SSBP2: variants seen among roughly 807,000 people sequenced by gnomAD.
SSBP2 encodes the protein single-stranded DNA-binding protein 2.
SSBP2 carries 17 observed loss-of-function variants against 61.8 expected under a neutral mutation model. The ratio of observed to expected loss-of-function variants is 0.28; its 90% CI spans 0.19 to 0.41. The LOEUF (loss-of-function observed/expected upper bound fraction) is 0.41, where lower values mean the gene tolerates loss of function less well. Ranked by LOEUF, SSBP2 falls within the 10% of genes least tolerant of loss-of-function variation. The pLI, the probability that SSBP2 is intolerant of heterozygous loss-of-function variation, is 1.00. For missense variants in SSBP2, 310 were observed against 458.7 expected, an observed-to-expected ratio of 0.68 and a Z score of 2.96; for synonymous variants, 139 against 141.3, an observed-to-expected ratio of 0.98 and a Z score of 0.12.
At chr5:81,567,979 AGGAGGAAGGAACTTGAT>A (rs1160279768) in intron 4 of SSBP2, among the ~76,000 whole-genome samples, 2 of 152,172 alleles carry the variant, frequency 1.3e-5, no homozygotes, top group Admixed American at 6.5e-5. Context: ...ACAGGCTCAT[AGGAGGAAGGAACTTGAT>A]GGAGGAAGGA....
In SSBP2 at chr5:81,724,944, T is replaced by C. The variant is rs1474279062; in HGVS notation, c.62+26037A>G. The stretch of plus-strand genomic sequence containing the variant: ...AGGCAAAATGGACAAAGGATATAAA[T>C]AGCCAATTCATGTTTATTTATTCAA... On this transcript the variant is annotated intron_variant, in intron 1 of 16. Transcript: ENST00000320672. Among the ~76,000 whole-genome samples the C allele has an allele frequency of 3.9e-5, 6 of 152,168 alleles. No homozygotes were observed. In the East Asian group the frequency reaches 9.6e-4, roughly 24 times the overall value.
chr5:81,701,052 T>TC (rs35308034), intron 1 of SSBP2, among the ~76,000 whole-genome samples: 10,889 of 152,334 alleles, frequency 0.071, 485 homozygotes, highest in Middle Eastern at 0.12. Flanking sequence ...GGCCTAGCTT[T>TC]CAGTCTATCT....
chr5:81,508,091 A>C (rs769950752), intron 5 of SSBP2, among the ~76,000 whole-genome samples: 1 of 152,206 alleles, frequency 6.6e-6, no homozygotes, highest in African/African-American at 2.4e-5. Context: ...TTCTTAGCAT[A>C]CAATGAAATC....
intron 6 of SSBP2, among the ~76,000 whole-genome samples, chr5:81,479,778 A>ATTC (rs1191149060): frequency 6.6e-6 from 1 of 152,166 alleles, no homozygotes; most frequent in Non-Finnish European, 1.5e-5. Flanking sequence ...AGTTATTATT[A>ATTC]TTCATCCTTT....
At chr5:81,642,255 T>C (rs1012893057) in intron 2 of SSBP2, among the ~76,000 whole-genome samples, 2 of 152,156 alleles carry the variant, frequency 1.3e-5, no homozygotes, top group African/African-American at 4.8e-5. Context: ...CCAATAACAT[T>C]TTCTCTTTAT....
chr5:81,490,030 T>TAA (rs74271580), intron 5 of SSBP2, among the ~76,000 whole-genome samples: 11 of 136,000 alleles, frequency 8.1e-5, no homozygotes, highest in East Asian at 2.1e-4. Context: ...TTTCATTTCT[T>TAA]AAAAAAAAAA....
chr5:81,470,631 C>T (rs1765188593), intron 8 of SSBP2, among the ~76,000 whole-genome samples: 1 of 151,940 alleles, frequency 6.6e-6, no homozygotes, highest in Non-Finnish European at 1.5e-5. Flanking sequence ...CTGTACCACA[C>T]TGATCTTAAG....
chr5:81,425,619 A>T (rs73766237), intron 16 of SSBP2, among the ~76,000 whole-genome samples: 1,642 of 151,780 alleles, frequency 0.011, 34 homozygotes, highest in African/African-American at 0.038. Context: ...ATTTTTTTTG[A>T]ACTAAGGCTT....
chr5:81,551,756 T>C (rs985132634), intron 4 of SSBP2, among the ~76,000 whole-genome samples: 15 of 152,210 alleles, frequency 9.9e-5, no homozygotes, highest in African/African-American at 3.6e-4. Flanking sequence ...TTTTGTGGAA[T>C]GTAAAAATGT....
chr5:81,420,631 T>A, intron 16 of SSBP2, 98 bp from the exon 17 acceptor site: 1 of 999,296 alleles, frequency 1.0e-6, no homozygotes, highest in South Asian at 1.4e-5. Context: ...TAATTTCTTA[T>A]CATCTTTTAT....
At chr5:81,543,179 G>A (rs1296927718) in intron 4 of SSBP2, among the ~76,000 whole-genome samples, 1 of 152,104 alleles carries the variant, frequency 6.6e-6, no homozygotes, top group African/African-American at 2.4e-5. Flanking sequence ...CTCTCCTACA[G>A]CCTTGTGAAG....
At position 81,646,806 on chromosome 5, in the gene SSBP2, A is replaced by C. The variant is rs183310303; in HGVS notation, c.135+3461T>G. On this transcript the variant is annotated intron_variant, in intron 2 of 16. Transcript: ENST00000320672. ...GGTCTTCATGTGCAGGTCCCTGTAG[A>C]TTGTACTATCACCTTAGGTGAAACC... Among the ~76,000 whole-genome samples, 456 of 147,784 alleles carry C rather than the reference A, an allele frequency of 3.1e-3. 5 individuals carry two copies. The highest frequency in any genetic ancestry group is 0.011 in the African/African-American group (448 of 40,076).
intron 1 of SSBP2, among the ~76,000 whole-genome samples, chr5:81,678,737 G>A (rs1046249725): frequency 3.3e-5 from 5 of 151,756 alleles, no homozygotes; most frequent in Admixed American, 6.6e-5. Flanking sequence ...ACTTATCCTC[G>A]GAAACTATGT....
intron 4 of SSBP2, among the ~76,000 whole-genome samples, chr5:81,534,194 A>G (rs1770632530): frequency 6.6e-6 from 1 of 152,122 alleles, no homozygotes. Context: ...TAAAACACTG[A>G]GTCCTAATCA....
chr5:81,494,365 GT>G (rs1288279604), intron 5 of SSBP2, among the ~76,000 whole-genome samples: 1 of 152,166 alleles, frequency 6.6e-6, no homozygotes, highest in Non-Finnish European at 1.5e-5. Context: ...ATTTCTACAT[GT>G]TCTAGTGATC....
intron 4 of SSBP2, among the ~76,000 whole-genome samples, chr5:81,524,370 A>T (rs1008701474): frequency 5.3e-5 from 8 of 152,038 alleles, no homozygotes; most frequent in Admixed American, 3.9e-4. Context: ...CAACCTTGTG[A>T]AACTTGGAAC....
chr5:81,595,445 T>G (rs904815172), intron 4 of SSBP2, among the ~76,000 whole-genome samples: 3 of 152,188 alleles, frequency 2.0e-5, no homozygotes, highest in Admixed American at 1.3e-4. Flanking sequence ...CTTCTGAAAC[T>G]ATTCCAATCG....
chr5:81,548,947 T>C (rs1346324053), intron 4 of SSBP2, among the ~76,000 whole-genome samples: 2 of 152,124 alleles, frequency 1.3e-5, no homozygotes, highest in Admixed American at 6.5e-5. Flanking sequence ...ATTAAGAAGA[T>C]AGTTTTGTCT....
At chr5:81,556,437 A>G (rs192799788) in intron 4 of SSBP2, among the ~76,000 whole-genome samples, 30 of 152,222 alleles carry the variant, frequency 2.0e-4, no homozygotes, top group Admixed American at 1.6e-3. Flanking sequence ...ATGAGGAGTA[A>G]CTTGCTAACA....
Sources: gnomAD v4.1 joint callset for allele counts (sites outside exome capture counted in the v4.1 genomes callset) on GRCh38, gnomAD v4.1.1 for gene constraint, MANE v1.5 for transcripts, NCBI Gene and HGNC (gene_info 2026-07-23, HGNC 2026-07-21) for gene names.